Variants in ST6GALNAC3 observed in about 807,000 individuals in gnomAD.
ST6GALNAC3 encodes the protein alpha-N-acetylgalactosaminide alpha-2,6-sialyltransferase 3.
A neutral mutation model predicts 32.7 loss-of-function variants in ST6GALNAC3; 25 were observed. The ratio of observed to expected loss-of-function variants is 0.76; its 90% confidence interval spans 0.56 to 1.07. ST6GALNAC3 has a LOEUF of 1.07. Ranked by LOEUF, ST6GALNAC3 falls within the 50% of genes least tolerant of loss-of-function variation. The pLI, the probability that ST6GALNAC3 is intolerant of heterozygous loss-of-function variation, is 0.00. For synonymous variants in ST6GALNAC3, 129 were observed against 133.1 expected, an observed-to-expected ratio of 0.97 and a Z score of 0.21; for missense variants, 355 against 382.4, an observed-to-expected ratio of 0.93 and a Z score of 0.60.
intron 1 of ST6GALNAC3, among the ~76,000 whole-genome samples, chr1:76,088,854 G>A (rs891872918): frequency 1.3e-5 from 2 of 152,148 alleles, no homozygotes; most frequent in Non-Finnish European, 2.9e-5. Context: ...CATGTGCAAA[G>A]ATCCGGTGGC....
chr1:76,495,494 A>T (rs116870410), intron 3 of ST6GALNAC3, among the ~76,000 whole-genome samples: 1,969 of 152,078 alleles, frequency 0.013, 21 homozygotes, highest in East Asian at 0.051. Context: ...AGTTTAATTT[A>T]AAAAAAATTA....
At chr1:76,413,224 A>G (rs1420725485) in intron 3 of ST6GALNAC3, among the ~76,000 whole-genome samples, 1 of 152,072 alleles carries the variant, frequency 6.6e-6, no homozygotes, top group African/African-American at 2.4e-5. Context: ...CTTTTTAGAA[A>G]GATAACTATT....
At chr1:76,304,580 G>A (rs560118857) in intron 1 of ST6GALNAC3, among the ~76,000 whole-genome samples, 11 of 152,210 alleles carry the variant, frequency 7.2e-5, no homozygotes, top group South Asian at 4.1e-4. Flanking sequence ...AGAAGGCTGA[G>A]AAGTCCAGCT....
At chr1:76,249,569 T>A (rs912178095) in intron 1 of ST6GALNAC3, among the ~76,000 whole-genome samples, 4 of 152,188 alleles carry the variant, frequency 2.6e-5, no homozygotes, top group Non-Finnish European at 5.9e-5. Context: ...TTAATAATGT[T>A]GCTATGAACA....
intron 3 of ST6GALNAC3, among the ~76,000 whole-genome samples, chr1:76,532,841 G>A (rs572168609): frequency 6.7e-6 from 1 of 149,318 alleles, no homozygotes; most frequent in Non-Finnish European, 1.5e-5. Context: ...AAAGCTCTAT[G>A]TTCTACCAAT....
chr1:76,555,571 G>T (rs1351720451), intron 3 of ST6GALNAC3, among the ~76,000 whole-genome samples: 22 of 152,128 alleles, frequency 1.4e-4, no homozygotes, highest in African/African-American at 5.1e-4. Flanking sequence ...TTCAAAGAAG[G>T]TGAGACCCAT....
chr1:76,548,698 A>T lies in ST6GALNAC3; in HGVS notation c.624-78754A>T, dbSNP rs534060114. On this transcript the variant is annotated intron_variant, in intron 3 of 4. Transcript: ENST00000328299. ...GCTTTCCAACCTCTATAGTAAAGGA[A>T]GGCAAGGGCCAGGGGTCTGTGGATA... Among the ~76,000 whole-genome samples, 12 of 152,304 alleles carry T rather than the reference A, an allele frequency of 7.9e-5. No individual in the cohort carries two copies. In the South Asian group the frequency reaches 2.5e-3, roughly 32 times the overall value.
In ST6GALNAC3 at chr1:76,108,591, A is replaced by C. The variant is rs192403271; in HGVS notation, c.18+33707A>C. Among the ~76,000 whole-genome samples, 266 of 152,338 alleles carry C rather than the reference A, an allele frequency of 1.7e-3. 4 individuals are homozygous for C. The highest frequency in any genetic ancestry group is 6.2e-3 in the African/African-American group (257 of 41,580). On this transcript the variant is annotated intron_variant, in intron 1 of 4. Coordinates refer to ENST00000328299, the MANE Select transcript of ST6GALNAC3 (RefSeq NM_152996.4). ...AGCTTTAAGAGATGGTTAAAGAAAC[A>C]AGGTAACTGTGTGGAATTACTTATG...
intron 1 of ST6GALNAC3, among the ~76,000 whole-genome samples, chr1:76,118,926 A>T (rs1473922615): frequency 6.6e-6 from 1 of 152,108 alleles, no homozygotes; most frequent in Non-Finnish European, 1.5e-5. Context: ...GGGTTCAAGC[A>T]ATTCTCTTGC....
intron 1 of ST6GALNAC3, among the ~76,000 whole-genome samples, chr1:76,163,900 G>A (rs756707959): frequency 1.3e-5 from 2 of 152,124 alleles, no homozygotes; most frequent in East Asian, 1.9e-4. Flanking sequence ...TGTTACGGCC[G>A]ACATGCATGC....
intron 2 of ST6GALNAC3, among the ~76,000 whole-genome samples, chr1:76,320,112 C>T (rs536397338): frequency 1.3e-5 from 2 of 152,178 alleles, no homozygotes; most frequent in Non-Finnish European, 2.9e-5. Flanking sequence ...TTCCAGGAAG[C>T]TTTTGTGGGA....
At chr1:76,593,176 A>G (rs953440652) in intron 3 of ST6GALNAC3, among the ~76,000 whole-genome samples, 1 of 152,184 alleles carries the variant, frequency 6.6e-6, no homozygotes, top group South Asian at 2.1e-4. Flanking sequence ...TGAATCATTT[A>G]TCAGTTTTCC....
intron 3 of ST6GALNAC3, among the ~76,000 whole-genome samples, chr1:76,612,391 G>T (rs1296677738): frequency 6.6e-6 from 1 of 152,178 alleles, no homozygotes; most frequent in Non-Finnish European, 1.5e-5. Flanking sequence ...ACAACATGCA[G>T]AAAGAGTGAA....
At chr1:76,207,044 A>G (rs1428082800) in intron 1 of ST6GALNAC3, among the ~76,000 whole-genome samples, 1 of 152,194 alleles carries the variant, frequency 6.6e-6, no homozygotes, top group Non-Finnish European at 1.5e-5. Context: ...CCTTCCACAT[A>G]TTAAGAGAGA....
chr1:76,564,176 T>C (rs1329436548), intron 3 of ST6GALNAC3, among the ~76,000 whole-genome samples: 2 of 152,204 alleles, frequency 1.3e-5, no homozygotes, highest in Non-Finnish European at 2.9e-5. Context: ...GTACCTGAGA[T>C]ACAACACAAA....
chr1:76,514,512 G>GT (rs1424943629), intron 3 of ST6GALNAC3, among the ~76,000 whole-genome samples: 1 of 152,092 alleles, frequency 6.6e-6, no homozygotes, highest in Non-Finnish European at 1.5e-5. Context: ...TCTATTCTCA[G>GT]TGAGTTCTCA....
intron 1 of ST6GALNAC3, among the ~76,000 whole-genome samples, chr1:76,193,358 G>A (rs1654015745): frequency 6.6e-6 from 1 of 152,142 alleles, no homozygotes; most frequent in South Asian, 2.1e-4. Context: ...TTTGAAGTGT[G>A]TACATTGTGG....
chr1:76,220,422 T>A (rs1056427726), intron 1 of ST6GALNAC3, among the ~76,000 whole-genome samples: 2 of 152,216 alleles, frequency 1.3e-5, no homozygotes, highest in African/African-American at 2.4e-5. Flanking sequence ...ATTTTTAAAA[T>A]ATTTCATGCC....
chr1:76,607,832 A>G (rs1647663167), intron 3 of ST6GALNAC3, among the ~76,000 whole-genome samples: 1 of 152,148 alleles, frequency 6.6e-6, no homozygotes, highest in Non-Finnish European at 1.5e-5. Flanking sequence ...CTACACAGCC[A>G]TAATCTGCAG....
Sources: allele counts gnomAD v4.1 joint callset (sites outside exome capture counted in the v4.1 genomes callset), GRCh38; gene constraint gnomAD v4.1.1; transcripts MANE v1.5; gene names NCBI Gene and HGNC (gene_info 2026-07-23, HGNC 2026-07-21).